Variants in TNRC6A observed in about 807,000 individuals in gnomAD.
The protein encoded by TNRC6A is trinucleotide repeat-containing gene 6A protein.
In TNRC6A, 44 loss-of-function variants were observed where a neutral mutation model predicts 221.2. The observed-to-expected ratio is 0.20, with a 90% CI of 0.16 to 0.26. The LOEUF (loss-of-function observed/expected upper bound fraction) is 0.26, where lower values mean the gene tolerates loss of function less well. Among genes scored for constraint, TNRC6A ranks in the 10% least tolerant of loss-of-function variants. The pLI, the probability that TNRC6A is intolerant of heterozygous loss-of-function variation, is 1.00. For synonymous variants in TNRC6A, 847 were observed against 838.5 expected, an observed-to-expected ratio of 1.01 and a Z score of -0.18; for missense variants, 2,199 against 2,404.4, an observed-to-expected ratio of 0.91 and a Z score of 1.79.
chr16:24,716,503 T>C (rs1254541546), intron 2 of TNRC6A, among the ~76,000 whole-genome samples: 1 of 152,034 alleles, frequency 6.6e-6, no homozygotes, highest in Non-Finnish European at 1.5e-5. Flanking sequence ...AACCCACCTC[T>C]ACAAAAAATA....
chr16:24,661,673 A>G (rs2055038280), intron 2 of TNRC6A: 1 of 152,310 alleles, frequency 6.6e-6, no homozygotes, highest in Non-Finnish European at 1.5e-5. Context: ...CGGCCTCCCA[A>G]AGTGCTGGGA....
In TNRC6A at chr16:24,804,001, G is replaced by A. The variant is rs115073648; in HGVS notation, c.3695-176G>A. The A allele has an allele frequency of 5.8e-4, 334 of 577,246 alleles. 2 individuals carry two copies. Among genetic ancestry groups the A allele is most frequent in the African/African-American group, 5.3e-3 (272 of 51,434 alleles). The allele number at this position is 577,246 out of a possible 1,614,324, so 35.8% of individuals were successfully genotyped here. On this transcript the variant is annotated intron_variant, in intron 11 of 24. Coordinates refer to ENST00000395799, the MANE Select transcript of TNRC6A (RefSeq NM_014494.4). The stretch of plus-strand genomic sequence containing the variant: ...AGTAAAATAACAGTATCTCCTAATT[G>A]CGACTTCATTTGTGAGGAATGCAAA...
At chr16:24,686,735 G>A (rs1190443725) in intron 2 of TNRC6A, among the ~76,000 whole-genome samples, 1 of 152,156 alleles carries the variant, frequency 6.6e-6, no homozygotes, top group Non-Finnish European at 1.5e-5. Context: ...AATAGGATCG[G>A]TGCCGCGACA....
rs1042191184 is a variant in TNRC6A at position 24,650,444 on chromosome 16, C to T, written n.402+9435C>T. On this transcript the variant is annotated intron_variant and non_coding_transcript_variant, in intron 2 of 2. Coordinates refer to the TNRC6A transcript ENST00000566108. ...CTTTGGGAGGCGGAGGCGGGTGGATCACTTGAGGACAGGAGTTTGAGACCA... is the reference window on the plus strand; with the variant it reads ...CTTTGGGAGGCGGAGGCGGGTGGATTACTTGAGGACAGGAGTTTGAGACCA... 2.0e-5 allele frequency among the ~76,000 whole-genome samples: 3 copies of T among 152,200 alleles called. No homozygotes were observed. In the East Asian group the frequency reaches 5.8e-4, roughly 29 times the overall value.
At chr16:24,720,322 A>C (rs1271945454) in intron 2 of TNRC6A, among the ~76,000 whole-genome samples, 1 of 145,810 alleles carries the variant, frequency 6.9e-6, no homozygotes, top group Admixed American at 6.8e-5. Flanking sequence ...CGATCACTTA[A>C]GCCTGGGAAT....
At chr16:24,661,463 G>C (rs768337277) in intron 2 of TNRC6A, 1 of 151,018 alleles carries the variant, frequency 6.6e-6, no homozygotes, top group Non-Finnish European at 1.5e-5. Context: ...CCCCGGTCTG[G>C]AGTGCAGTAG....
In TNRC6A at chr16:24,812,019, ATTTTTTTTTTTTTTTTTTTTTTTTTT is replaced by A. The variant is rs71156440; in HGVS notation, c.4672+2560_4672+2585del. 6.9e-4 allele frequency among the ~76,000 whole-genome samples: 28 copies of A among 40,854 alleles called. 1 individual carries two copies. The South Asian group carries it at 7.7e-3, about 11-fold the overall frequency. 26.8% of individuals were successfully genotyped at this position (40,854 alleles called of 152,430 possible). Reference sequence around the variant, plus strand: ...CCGTTCAGGGGAATGTCACTTTGGGATTTTTTTTTTTTTTTTTTTTTTTTTTTTTTTTTTTTTTTTTTTTTTTGAGA... The same window carrying A: ...CCGTTCAGGGGAATGTCACTTTGGGATTTTTTTTTTTTTTTTTTTTTGAGA... On this transcript the variant is annotated intron_variant, in intron 18 of 24. Coordinates refer to ENST00000395799, the MANE Select transcript of TNRC6A (RefSeq NM_014494.4).
At chr16:24,766,219 A>G (rs780725570) in intron 4 of TNRC6A, among the ~76,000 whole-genome samples, 2 of 152,204 alleles carry the variant, frequency 1.3e-5, no homozygotes, top group Non-Finnish European at 1.5e-5. Context: ...CACCTCTGCC[A>G]TTTACTAGAC....
At chr16:24,626,385 G>A (rs1055900311) in intron 1 of TNRC6A, among the ~76,000 whole-genome samples, 1 of 152,030 alleles carries the variant, frequency 6.6e-6, no homozygotes, top group Non-Finnish European at 1.5e-5. Context: ...AATATTGCCA[G>A]CACCCCAGAA....
At chr16:24,792,825 G>A (rs114364507) in intron 6 of TNRC6A, among the ~76,000 whole-genome samples, 75 of 136,184 alleles carry the variant, frequency 5.5e-4, no homozygotes, top group African/African-American at 2.1e-3. Context: ...GGCTTTCTCC[G>A]TCACCCAGGC....
At chr16:24,681,974 C>T (rs1039747503) in intron 2 of TNRC6A, among the ~76,000 whole-genome samples, 4 of 152,138 alleles carry the variant, frequency 2.6e-5, no homozygotes, top group East Asian at 1.9e-4. Context: ...GCCCATCTGT[C>T]GATGAAAGCA....
intron 5 of TNRC6A, among the ~76,000 whole-genome samples, chr16:24,779,603 A>G (rs1026394683): frequency 6.6e-6 from 1 of 152,300 alleles, no homozygotes; most frequent in South Asian, 2.1e-4. Context: ...TACTGTGCCC[A>G]CACACTACTA....
intron 3 of TNRC6A, among the ~76,000 whole-genome samples, chr16:24,754,309 T>A (rs1393053568): frequency 6.6e-6 from 1 of 152,202 alleles, no homozygotes; most frequent in Non-Finnish European, 1.5e-5. Context: ...AATATTAATT[T>A]ACATATTTAG....
rs185043363 is a variant in TNRC6A, at chr16:24,796,089, C to T, written c.3561+150C>T. 53 of 785,248 alleles carry T rather than the reference C, an allele frequency of 6.7e-5. No individual in the cohort carries two copies. The East Asian group carries it at 1.0e-3, about 15-fold the overall frequency. The allele number at this position is 785,248 out of a possible 1,614,324, so 48.6% of individuals were successfully genotyped here. A position where few individuals can be genotyped will look rare whatever the true frequency, so the allele number is the denominator to read the frequency against. ...ACACTAAGATATGAGTTTCACCTTT[C>T]GGGAGCTCACAGTCTAGTATGGGGC... On this transcript the variant is annotated intron_variant, in intron 9 of 24. Coordinates refer to ENST00000395799, the MANE Select transcript of TNRC6A (RefSeq NM_014494.4).
At chr16:24,674,540 A>C (rs1255043495) in intron 2 of TNRC6A, among the ~76,000 whole-genome samples, 1 of 152,200 alleles carries the variant, frequency 6.6e-6, no homozygotes, top group African/African-American at 2.4e-5. Context: ...AAGTTATAGA[A>C]TCTGGATTTT....
chr16:24,786,779 G>A (rs1056646113), intron 5 of TNRC6A, among the ~76,000 whole-genome samples: 1 of 151,950 alleles, frequency 6.6e-6, no homozygotes, highest in African/African-American at 2.4e-5. Context: ...CTGCCTCCGC[G>A]GTTTAAGCAA....
At chr16:24,740,983 G>C (rs1016081103) in intron 2 of TNRC6A, among the ~76,000 whole-genome samples, 7 of 152,176 alleles carry the variant, frequency 4.6e-5, no homozygotes, top group African/African-American at 1.7e-4. Flanking sequence ...ATTGATTTTT[G>C]TATGTTGATA....
intron 2 of TNRC6A, among the ~76,000 whole-genome samples, chr16:24,645,230 G>A (rs1029270090): frequency 7.4e-6 from 1 of 135,906 alleles, no homozygotes; most frequent in Non-Finnish European, 1.7e-5. Flanking sequence ...TCCAGGCTGG[G>A]CACAGTGGCT....
At chr16:24,761,056 A>G (rs534309992) in intron 4 of TNRC6A, among the ~76,000 whole-genome samples, 5 of 152,236 alleles carry the variant, frequency 3.3e-5, no homozygotes, top group Non-Finnish European at 7.3e-5. Context: ...TGCCTATTCC[A>G]GAATTCCTGC....
Sources: gnomAD v4.1 joint callset for allele counts (sites outside exome capture counted in the v4.1 genomes callset) on GRCh38, gnomAD v4.1.1 for gene constraint, MANE v1.5 for transcripts, NCBI Gene and HGNC (gene_info 2026-07-23, HGNC 2026-07-21) for gene names.